LIMCH1: variants seen among roughly 807,000 people sequenced by gnomAD.
The protein encoded by LIMCH1 is LIM and calponin homology domains-containing protein 1.
In LIMCH1, 113 loss-of-function variants were observed where a neutral mutation model predicts 176.5. The ratio of observed to expected loss-of-function variants is 0.64; its 90% CI spans 0.55 to 0.75. The LOEUF (loss-of-function observed/expected upper bound fraction) is 0.75, where lower values mean the gene tolerates loss of function less well. LIMCH1 is among the 30% of genes least tolerant of loss of function. LIMCH1 has a pLI of 0.00. For missense variants in LIMCH1, 1,674 were observed against 1,814.9 expected (o/e 0.92, Z 1.41); for synonymous variants, 619 against 645.9 (o/e 0.96, Z 0.63).
At chr4:41,573,371 T>C (rs1311643848) in intron 1 of LIMCH1, among the ~76,000 whole-genome samples, 1 of 152,184 alleles carries the variant, frequency 6.6e-6, no homozygotes, top group Non-Finnish European at 1.5e-5. Flanking sequence ...GCAAATAAAA[T>C]CATGCATAGC....
At chr4:41,533,660 A>G (rs758274346), upstream of LIMCH1, among the ~76,000 whole-genome samples, 8 of 152,250 alleles carry the variant, frequency 5.3e-5, no homozygotes, top group South Asian at 4.1e-4. Context: ...GAAGACAAAT[A>G]TAGAAGAAAG....
chr4:41,460,779 G>A (rs367851106), intron 1 of LIMCH1, among the ~76,000 whole-genome samples: 2 of 152,148 alleles, frequency 1.3e-5, no homozygotes, highest in African/African-American at 4.8e-5. Context: ...TTATAGAAAA[G>A]CCTTTTATTT....
intron 15 of LIMCH1, 63 bp downstream of exon 15, chr4:41,644,689 G>GT: frequency 6.4e-7 from 1 of 1,551,600 alleles, no homozygotes; most frequent in Non-Finnish European, 8.7e-7. Context: ...ATCCAGCCGG[G>GT]TGGGTAGACG....
intron 1 of LIMCH1, among the ~76,000 whole-genome samples, chr4:41,590,578 C>T (rs911655453): frequency 1.3e-5 from 2 of 152,168 alleles, no homozygotes; most frequent in Non-Finnish European, 2.9e-5. Flanking sequence ...CTCTGTCTCA[C>T]CTTTCATAGT....
At chr4:41,647,907 C>G (rs1291837733) in intron 17 of LIMCH1, among the ~76,000 whole-genome samples, 2 of 152,240 alleles carry the variant, frequency 1.3e-5, no homozygotes, top group African/African-American at 4.8e-5. Flanking sequence ...CTTATAAGGG[C>G]AGGGGCCATG....
chr4:41,676,264 C>T, intron 22 of LIMCH1, 118 bp from the exon 23 acceptor site: 1 of 668,028 alleles, frequency 1.5e-6, no homozygotes, highest in Non-Finnish European at 2.6e-6. Flanking sequence ...TATATGAAGC[C>T]TTCTGCTCCT....
At chr4:41,569,327 G>T (rs1320873098) in intron 1 of LIMCH1, among the ~76,000 whole-genome samples, 1 of 152,162 alleles carries the variant, frequency 6.6e-6, no homozygotes, top group East Asian at 1.9e-4. Context: ...CCACCATGCA[G>T]TTCTCTCCTG....
intron 1 of LIMCH1, among the ~76,000 whole-genome samples, chr4:41,402,989 G>GAAA (rs66584828): frequency 1.3e-5 from 2 of 148,736 alleles, no homozygotes; most frequent in African/African-American, 4.9e-5. Context: ...TAAAAAAAAA[G>GAAA]AAAAAAAAAG....
At position 41,698,270 on chromosome 4, in the gene LIMCH1, C is replaced by A. The variant is rs1444625765; in HGVS notation, c.*1085C>A. On this transcript the variant is annotated 3_prime_UTR_variant, in exon 32 of 32. Transcript: ENST00000503057. ...GCCCCTGGTCTGTGATCAGCAAGAACCTACAGCACAGATTATGCCCTGCCC... is the reference window on the plus strand; with the variant it reads ...GCCCCTGGTCTGTGATCAGCAAGAAACTACAGCACAGATTATGCCCTGCCC... 1.3e-5 allele frequency: 2 copies of A among 152,236 alleles called. No individual in the cohort carries two copies. Among genetic ancestry groups the A allele is most frequent in the Non-Finnish European group, 2.9e-5 (2 of 68,082 alleles). The allele number at this position is 152,236 out of a possible 1,614,324, so 9.4% of individuals were successfully genotyped here. A position where few individuals can be genotyped will look rare whatever the true frequency, so the allele number is the denominator to read the frequency against.
At chr4:41,696,503 G>A (rs1730743665) in intron 31 of LIMCH1, among the ~76,000 whole-genome samples, 1 of 152,144 alleles carries the variant, frequency 6.6e-6, no homozygotes, top group Non-Finnish European at 1.5e-5. Context: ...AAGATACCTA[G>A]TGGAATTTTT....
chr4:41,474,813 C>T (rs1232887921), intron 1 of LIMCH1, among the ~76,000 whole-genome samples: 2 of 152,142 alleles, frequency 1.3e-5, no homozygotes, highest in African/African-American at 4.8e-5. Context: ...CTCCAGCATC[C>T]CACCAATGGG....
chr4:41,619,158 CT>C, intron 5 of LIMCH1, 29 bp from the exon 6 acceptor site: 1 of 1,612,108 alleles, frequency 6.2e-7, no homozygotes, highest in Middle Eastern at 1.7e-4. Context: ...GCCTAACACA[CT>C]TTCTCAGTAC....
intron 1 of LIMCH1, among the ~76,000 whole-genome samples, chr4:41,584,929 G>T (rs369331192): frequency 6.6e-6 from 1 of 152,136 alleles, no homozygotes; most frequent in East Asian, 1.9e-4. Flanking sequence ...TTGGCATCTG[G>T]TGAGGACCTG....
intron 20 of LIMCH1, among the ~76,000 whole-genome samples, chr4:41,664,575 A>G (rs938007058): frequency 3.3e-5 from 5 of 152,244 alleles, no homozygotes; most frequent in Non-Finnish European, 4.4e-5. Context: ...GTTTCGTTTT[A>G]TCAGCATCAC....
chr4:41,521,938 A>T (rs1013020119), intron 2 of LIMCH1, among the ~76,000 whole-genome samples: 8 of 152,272 alleles, frequency 5.3e-5, no homozygotes, highest in South Asian at 2.1e-4. Flanking sequence ...TAAAAATCTC[A>T]ATATATATAA....
intron 1 of LIMCH1, among the ~76,000 whole-genome samples, chr4:41,452,317 T>C (rs2063985158): frequency 6.6e-6 from 1 of 152,222 alleles, no homozygotes; most frequent in Admixed American, 6.5e-5. Flanking sequence ...GCCTTCATTA[T>C]AGCTGTTTGG....
intron 31 of LIMCH1, among the ~76,000 whole-genome samples, chr4:41,696,164 T>C (rs2153101922): frequency 6.6e-6 from 1 of 152,294 alleles, no homozygotes; most frequent in Non-Finnish European, 1.5e-5. Context: ...AAAATGCAAC[T>C]CCTAAAAGCA....
chr4:41,671,415 C>G, intron 21 of LIMCH1, 139 bp from the exon 22 acceptor site: 7 of 505,922 alleles, frequency 1.4e-5, no homozygotes, highest in Admixed American at 3.4e-5. Context: ...CACACACACA[C>G]ACACACACAC....
chr4:41,360,560 C>CG (rs981872631), upstream of LIMCH1: 4 of 211,852 alleles, frequency 1.9e-5, no homozygotes, highest in African/African-American at 9.3e-5. The surrounding 1 kb of genome is among the most constrained non-coding windows in gnomAD (Gnocchi z 4.5). Flanking sequence ...TCCCCGGGGG[C>CG]GGAGCGGCCC....
Sources: gnomAD v4.1 joint callset for allele counts (sites outside exome capture counted in the v4.1 genomes callset) on GRCh38, gnomAD v4.1.1 for gene constraint, Gnocchi (gnomAD v3.1) non-coding constraint, MANE v1.5 for transcripts, NCBI Gene and HGNC (gene_info 2026-07-23, HGNC 2026-07-21) for gene names.